RBFOX1: variants seen among roughly 807,000 people sequenced by gnomAD.
The protein encoded by RBFOX1 is RNA binding fox-1 homolog 1.
A neutral mutation model predicts 57.7 loss-of-function variants in RBFOX1; 8 were observed. The ratio of observed to expected loss-of-function variants is 0.14; its 90% CI spans 0.08 to 0.25. The LOEUF is 0.25. Ranked by LOEUF, RBFOX1 falls within the 10% of genes least tolerant of loss-of-function variation. RBFOX1 has a pLI of 1.00. For synonymous variants in RBFOX1, 326 were observed against 222.4 expected (o/e 1.47, Z -4.15); for missense variants, 611 against 548.5 (o/e 1.11, Z -1.14).
chr16:7,488,289 C>T (rs1394299007), intron 4 of RBFOX1, among the ~76,000 whole-genome samples: 1 of 152,126 alleles, frequency 6.6e-6, no homozygotes, highest in South Asian at 2.1e-4. Flanking sequence ...TGCAGTTTCC[C>T]TTTCTCACTC....
chr16:5,454,935 C>CTTTCTTTCT (rs1567535623), intron 1 of RBFOX1, among the ~76,000 whole-genome samples: 1 of 40,160 alleles, frequency 2.5e-5, no homozygotes, highest in African/African-American at 1.0e-4. Context: ...TTCTTCCTTC[C>CTTTCTTTCT]TTCCTTCCTT....
chr16:5,409,179 C>T (rs1232379198), intron 1 of RBFOX1, among the ~76,000 whole-genome samples: 1 of 152,188 alleles, frequency 6.6e-6, no homozygotes, highest in Non-Finnish European at 1.5e-5. Context: ...CTCACCACAG[C>T]GATGTGTGGC....
intron 1 of RBFOX1, among the ~76,000 whole-genome samples, chr16:6,246,214 C>T (rs540508333): frequency 7.6e-4 from 116 of 152,246 alleles, no homozygotes; most frequent in African/African-American, 2.7e-3. Flanking sequence ...TAAGGCTGTA[C>T]CTCAAGCTTT....
At chr16:5,936,238 C>T (rs768075306) in intron 4 of RBFOX1, among the ~76,000 whole-genome samples, 1 of 152,122 alleles carries the variant, frequency 6.6e-6, no homozygotes, top group Non-Finnish European at 1.5e-5. Flanking sequence ...ATTCTCGTGC[C>T]TCAGCATCCT....
intron 4 of RBFOX1, among the ~76,000 whole-genome samples, chr16:5,992,601 A>T (rs2060420004): frequency 6.6e-6 from 1 of 152,114 alleles, no homozygotes; most frequent in Admixed American, 6.6e-5. Flanking sequence ...CTTCTCTAGG[A>T]ATCCGATGAG....
At chr16:5,746,031 G>A (rs62014096) in intron 3 of RBFOX1, among the ~76,000 whole-genome samples, 1 of 152,154 alleles carries the variant, frequency 6.6e-6, no homozygotes, top group African/African-American at 2.4e-5. Flanking sequence ...TGTCCTGAAT[G>A]GTAATGCCTA....
intron 4 of RBFOX1, among the ~76,000 whole-genome samples, chr16:7,186,155 C>G (rs377615076): frequency 2.0e-5 from 3 of 151,266 alleles, no homozygotes; most frequent in African/African-American, 7.3e-5. Context: ...TATCATGATA[C>G]TTATCTCTAA....
chr16:5,780,156 C>G (rs1378150883), intron 3 of RBFOX1, among the ~76,000 whole-genome samples: 2 of 152,156 alleles, frequency 1.3e-5, no homozygotes, highest in Non-Finnish European at 2.9e-5. Flanking sequence ...GTGCGTGACA[C>G]CAGGCCTGGC....
chr16:7,537,433 G>C lies in RBFOX1; in HGVS notation c.270+19044G>C, dbSNP rs149221921. Among the ~76,000 whole-genome samples, 500 of 152,324 alleles carry C rather than the reference G, an allele frequency of 3.3e-3. 4 individuals carry two copies. Among genetic ancestry groups the C allele is most frequent in the African/African-American group, 0.011 (473 of 41,584 alleles). Reference sequence around the variant, plus strand: ...TGAGGAAACTGAGGCGTGGTCAGTTGATGTGACTCAGTGTGTTCCCTGAGG... The same window carrying C: ...TGAGGAAACTGAGGCGTGGTCAGTTCATGTGACTCAGTGTGTTCCCTGAGG... On this transcript the variant is annotated intron_variant, in intron 5 of 15. Transcript: ENST00000550418.
intron 2 of RBFOX1, among the ~76,000 whole-genome samples, chr16:6,495,107 C>G (rs765942122): frequency 1.1e-4 from 17 of 152,064 alleles, no homozygotes; most frequent in African/African-American, 2.7e-4. Context: ...TCCCCGCTTT[C>G]TTTTGTTTGT....
chr16:7,277,506 G>C (rs1184984489), intron 4 of RBFOX1, among the ~76,000 whole-genome samples: 2 of 152,134 alleles, frequency 1.3e-5, no homozygotes, highest in East Asian at 1.9e-4. Context: ...ACAATTGTTA[G>C]TGTAGCTAGT....
At chr16:6,829,481 TAAAAAAA>T (rs35754742) in intron 3 of RBFOX1, among the ~76,000 whole-genome samples, 1 of 135,644 alleles carries the variant, frequency 7.4e-6, no homozygotes, top group African/African-American at 2.7e-5. Flanking sequence ...ACTCAACCAT[TAAAAAAA>T]AAAAAAACAA....
At chr16:6,568,030 C>A (rs1205501372) in intron 2 of RBFOX1, among the ~76,000 whole-genome samples, 1 of 152,122 alleles carries the variant, frequency 6.6e-6, no homozygotes. Flanking sequence ...CTATGTTGAA[C>A]AGGCTGGCCT....
At chr16:7,531,987 G>A (rs1388099083) in intron 5 of RBFOX1, among the ~76,000 whole-genome samples, 1 of 152,022 alleles carries the variant, frequency 6.6e-6, no homozygotes, top group African/African-American at 2.4e-5. Context: ...GAGGAAGCCT[G>A]GATTTCCCAG....
intron 2 of RBFOX1, among the ~76,000 whole-genome samples, chr16:6,554,346 C>G (rs976106164): frequency 1.1e-4 from 16 of 152,056 alleles, no homozygotes; most frequent in African/African-American, 3.6e-4. Context: ...ATAGGCAAGT[C>G]TATAGAGATG....
chr16:7,110,894 A>T (rs1198504789), intron 4 of RBFOX1, among the ~76,000 whole-genome samples: 1 of 152,196 alleles, frequency 6.6e-6, no homozygotes, highest in Non-Finnish European at 1.5e-5. Context: ...GCTGTGATAT[A>T]GAATTAAGAT....
At chr16:6,468,666 G>C (rs1277042281) in intron 2 of RBFOX1, among the ~76,000 whole-genome samples, 2 of 151,832 alleles carry the variant, frequency 1.3e-5, no homozygotes, top group Non-Finnish European at 2.9e-5. Context: ...ATTTGTGTGT[G>C]AGTTAGAACA....
intron 3 of RBFOX1, among the ~76,000 whole-genome samples, chr16:6,819,553 A>C (rs2090856582): frequency 6.6e-6 from 1 of 151,216 alleles, no homozygotes; most frequent in Non-Finnish European, 1.5e-5. Context: ...AAAATACAAA[A>C]TTAGCCGGGC....
chr16:6,143,959 C>CCACATATATA (rs71404590), intron 1 of RBFOX1, among the ~76,000 whole-genome samples: 10 of 139,982 alleles, frequency 7.1e-5, no homozygotes, highest in African/African-American at 2.8e-4. Context: ...CCATACTCAG[C>CCACATATATA]TATATATATA....
Sources: gnomAD v4.1 joint callset for allele counts (sites outside exome capture counted in the v4.1 genomes callset) on GRCh38, gnomAD v4.1.1 for gene constraint, MANE v1.5 for transcripts, NCBI Gene and HGNC (gene_info 2026-07-23, HGNC 2026-07-21) for gene names.